Variants in CRYBG2 observed in about 807,000 individuals in gnomAD.
CRYBG2 encodes the protein beta/gamma crystallin domain-containing protein 2.
A neutral mutation model predicts 153.4 loss-of-function variants in CRYBG2; 106 were observed. The ratio of observed to expected loss-of-function variants is 0.69; its 90% CI spans 0.59 to 0.81. The LOEUF is 0.81. Ranked by LOEUF, CRYBG2 falls within the 30% of genes least tolerant of loss-of-function variation. The probability of loss-of-function intolerance (pLI) is 0.00; values close to 1 mark genes in which losing one functional copy is unlikely to be tolerated. For synonymous variants in CRYBG2, 851 were observed against 877.8 expected (o/e 0.97, Z 0.54); for missense variants, 1,996 against 2,112.0 (o/e 0.95, Z 1.08).
In CRYBG2 at chr1:26,337,347, C is replaced by A; in HGVS notation, c.3677G>T (p.Gly1226Val). ...CCCCTCCTCCAGCAGATACTGGTGG[C>A]CCCGGAAGCCCTCCTTCTCGTAGCC... ...WVGYEKEGFR[G>V]HQYLLEEGEY... The change falls in exon 10 of 20, where the codon GGC becomes GTC. Residue 1226 changes from glycine (G) to valine (V), a missense_variant. Transcript: ENST00000308182. 1.2e-6 allele frequency: 2 copies of A among 1,613,888 alleles called. No homozygotes were observed. The highest frequency in any genetic ancestry group is 1.7e-6 in the Non-Finnish European group (2 of 1,179,896).
At chr1:26,349,005 C>T (rs950573602) in intron 1 of CRYBG2, among the ~76,000 whole-genome samples, 4 of 151,756 alleles carry the variant, frequency 2.6e-5, no homozygotes, top group Non-Finnish European at 5.9e-5. Flanking sequence ...CTAGTCTCTA[C>T]TAAAAATAAA....
intron 18 of CRYBG2, among the ~76,000 whole-genome samples, chr1:26,323,000 C>A (rs2073877573): frequency 6.6e-6 from 1 of 152,300 alleles, no homozygotes; most frequent in South Asian, 2.1e-4. Context: ...GAACACTCTT[C>A]CCTCAGATAT....
rs1570198954 is a variant in CRYBG2, at chr1:26,343,180, T to C, written c.2962-21A>G. 6.5e-7 allele frequency: 1 copy of C among 1,550,336 alleles called. No individual in the cohort carries two copies. Among genetic ancestry groups the C allele is most frequent in the Non-Finnish European group, 8.7e-7 (1 of 1,146,914 alleles). ...ATCACCTGAGAAGGCACAGAAGGGGTCCTCAGGCCCTGACCCCAGGCCCCT... is the reference window on the plus strand; with the variant it reads ...ATCACCTGAGAAGGCACAGAAGGGGCCCTCAGGCCCTGACCCCAGGCCCCT... On this transcript the variant is annotated intron_variant, in intron 3 of 19. Coordinates refer to ENST00000308182, the MANE Select transcript of CRYBG2 (RefSeq NM_001039775.4). This position sits in a 1 kb window ranked among gnomAD's most constrained non-coding sequence, Gnocchi z 4.1.
intron 17 of CRYBG2, 41 bp from the exon 18 acceptor site, chr1:26,324,351 G>A: frequency 6.4e-7 from 1 of 1,550,874 alleles, no homozygotes; most frequent in Non-Finnish European, 8.7e-7. Context: ...GTGCCGGGGA[G>A]GGATGACCTG....
intron 9 of CRYBG2, 61 bp from the exon 10 acceptor site, chr1:26,337,440 G>C: frequency 1.2e-6 from 2 of 1,602,108 alleles, no homozygotes; most frequent in East Asian, 4.5e-5. Context: ...GGATGAATGA[G>C]ACAGCTGTCC....
Position 26,346,719 on chromosome 1 carries a change from A to G in CRYBG2, c.-55-7T>C, listed in dbSNP as rs1029039257. The G allele has an allele frequency of 1.2e-5, 17 of 1,449,442 alleles. No homozygotes were observed. Among genetic ancestry groups the G allele is most frequent in the Non-Finnish European group, 1.6e-5 (17 of 1,095,188 alleles). The allele number at this position is 1,449,442 out of a possible 1,614,324, so 89.8% of individuals were successfully genotyped here. Reference sequence around the variant, plus strand: ...CCCACTGTGGTCCAGCTCCCTGCAGAGGAATAAGAAAGATGAGGGTCAGAG... The same window carrying G: ...CCCACTGTGGTCCAGCTCCCTGCAGGGGAATAAGAAAGATGAGGGTCAGAG... On this transcript the variant is annotated splice_polypyrimidine_tract_variant and splice_region_variant and intron_variant, in intron 1 of 19. Transcript: ENST00000308182. The surrounding 1 kb of genome is among the most constrained non-coding windows in gnomAD (Gnocchi z 4.9).
chr1:26,337,476 C>T, intron 9 of CRYBG2, 62 bp downstream of exon 9: 1 of 1,603,022 alleles, frequency 6.2e-7, no homozygotes, highest in Non-Finnish European at 8.5e-7. Context: ...CCAGGTCACT[C>T]CCCACTCCCA....
chr1:26,328,868 A>G lies in CRYBG2; in HGVS notation c.4320T>C (p.Phe1440=). ...LGSLQKVSLH[F]SEPSIFLYGL... ...CATACAGGAAAATGGAAGGCTCTGA[A>G]AAGTGCTGGGGCCCAGGAGACAGAA... Residue 1440 remains phenylalanine (F), a synonymous_variant, in exon 16 of 20, where the codon TTT becomes TTC. Transcript: ENST00000308182. 1 of 1,614,052 alleles carries G rather than the reference A, an allele frequency of 6.2e-7. No individual in the cohort carries two copies. Among genetic ancestry groups the G allele is most frequent in the Non-Finnish European group, 8.5e-7 (1 of 1,180,006 alleles).
chr1:26,331,156 C>A (rs1197704772), intron 15 of CRYBG2, among the ~76,000 whole-genome samples: 1 of 152,248 alleles, frequency 6.6e-6, no homozygotes, highest in Non-Finnish European at 1.5e-5. Flanking sequence ...CTGCCCCACC[C>A]AAGCCCTGAG....
rs551468206 is a variant in CRYBG2, at chr1:26,350,837, A to G, written c.-56+3199T>C. Among the ~76,000 whole-genome samples the G allele has an allele frequency of 9.2e-5, 14 of 152,200 alleles. No individual in the cohort carries two copies. The South Asian group carries it at 2.7e-3, about 29-fold the overall frequency. Reference sequence around the variant, plus strand: ...TCCATGAGGTACCCTCCCCTCCCCAAGAGACCTGACTCTGGGCAGGAAATG... The same window carrying G: ...TCCATGAGGTACCCTCCCCTCCCCAGGAGACCTGACTCTGGGCAGGAAATG... On this transcript the variant is annotated intron_variant, in intron 1 of 19. Coordinates refer to ENST00000308182, the MANE Select transcript of CRYBG2 (RefSeq NM_001039775.4).
intron 1 of CRYBG2, among the ~76,000 whole-genome samples, chr1:26,351,002 A>C (rs1227464914): frequency 6.6e-6 from 1 of 152,156 alleles, no homozygotes; most frequent in Non-Finnish European, 1.5e-5. Context: ...AAGAGACTGA[A>C]GCCCCGGGAA....
Position 26,329,173 on chromosome 1 carries a change from C to CTTTT in CRYBG2, c.4315-304_4315-301dup, listed in dbSNP as rs35855833. Among the ~76,000 whole-genome samples, 42 of 98,634 alleles carry CTTTT rather than the reference C, an allele frequency of 4.3e-4. 1 individual carries two copies. Among genetic ancestry groups the CTTTT allele is most frequent in the East Asian group, 5.7e-4 (2 of 3,508 alleles). The allele number at this position is 98,634 out of a possible 152,430, so 64.7% of individuals were successfully genotyped here. A position where few individuals can be genotyped will look rare whatever the true frequency, so the allele number is the denominator to read the frequency against. On this transcript the variant is annotated intron_variant, in intron 15 of 19. Transcript: ENST00000308182. ...ATGGAAACCTGGGGCTTATTCTAGG[C>CTTTT]TTTTTTTTTTTTTTTTTTTTGAGAC... is the stretch of plus-strand genomic sequence containing the variant.
chr1:26,341,936 C>T (rs188062070), intron 5 of CRYBG2, among the ~76,000 whole-genome samples: 1 of 152,276 alleles, frequency 6.6e-6, no homozygotes, highest in African/African-American at 2.4e-5. Context: ...TTTATAAATC[C>T]CTAGTCTGGC....
At chr1:26,340,953 G>C (rs993355304) in intron 5 of CRYBG2, among the ~76,000 whole-genome samples, 18 of 151,986 alleles carry the variant, frequency 1.2e-4, no homozygotes, top group African/African-American at 4.3e-4. Context: ...CTCCTCCTGG[G>C]CCACTGTCCT....
intron 14 of CRYBG2, among the ~76,000 whole-genome samples, chr1:26,335,533 C>T (rs928124913): frequency 1.3e-5 from 2 of 152,094 alleles, no homozygotes; most frequent in Non-Finnish European, 2.9e-5. Flanking sequence ...CACGGTGGCT[C>T]ATGCCTGTAA....
At position 26,342,764 on chromosome 1, in the gene CRYBG2, C is replaced by G. The variant is rs779567261; in HGVS notation, c.3194G>C (p.Arg1065Thr). The change falls in exon 5 of 20, where the codon AGG (arginine) becomes ACG (threonine). Residue 1065 changes from arginine to threonine, a missense_variant. Arg to Thr is a moderately conservative substitution (Grantham distance 71, BLOSUM62 -1). Transcript: ENST00000308182. ...WSPQGIGSLR[R>T]VVWDYSTPEI... The stretch of plus-strand genomic sequence containing the variant: ...CTCCAACTCACTCACCCAGACAACC[C>G]TCCTTAGGGAGCCGATGCCTTGGGG... The G allele has an allele frequency of 2.5e-6, 4 of 1,613,686 alleles. No homozygotes were observed. The highest frequency in any genetic ancestry group is 3.4e-6 in the Non-Finnish European group (4 of 1,179,982).
chr1:26,338,214 G>A (rs899630589), intron 7 of CRYBG2, 137 bp downstream of exon 7: 3 of 1,425,330 alleles, frequency 2.1e-6, no homozygotes, highest in Admixed American at 2.4e-5. Flanking sequence ...CCCAATAGAA[G>A]CTCCCAGGAA....
In CRYBG2 at chr1:26,328,217, T is replaced by C. The variant is rs1207560953; in HGVS notation, c.4570A>G (p.Ile1524Val). 1 of 1,564,318 alleles carries C rather than the reference T, an allele frequency of 6.4e-7. No individual in the cohort carries two copies. The highest frequency in any genetic ancestry group is 8.7e-7 in the Non-Finnish European group (1 of 1,154,446). The change falls in exon 17 of 20, where the codon ATC (isoleucine) becomes GTC (valine). Residue 1524 changes from isoleucine (I) to valine (V), a missense_variant. Transcript: ENST00000308182. ...CCAGCCACGCTACCCACCTGCTTGATGGGGTAGAGGGAGCCCACCCTCTGG... is the reference window on the plus strand; with the variant it reads ...CCAGCCACGCTACCCACCTGCTTGACGGGGTAGAGGGAGCCCACCCTCTGG... ...GTQRVGSLYPIKQRRVYFRLW... is the reference protein window; with the variant it reads ...GTQRVGSLYPVKQRRVYFRLW...
At chr1:26,331,397 C>T in intron 15 of CRYBG2, 92 bp downstream of exon 15, 1 of 1,533,592 alleles carries the variant, frequency 6.5e-7, no homozygotes, top group Non-Finnish European at 8.8e-7. Flanking sequence ...CTGGAATCAA[C>T]CCCTGCACCA....
Sources: allele counts gnomAD v4.1 joint callset (sites outside exome capture counted in the v4.1 genomes callset), GRCh38; gene constraint gnomAD v4.1.1; non-coding constraint Gnocchi (gnomAD v3.1); transcripts MANE v1.5; gene names NCBI Gene and HGNC (gene_info 2026-07-23, HGNC 2026-07-21).